The following GRIN2D variants were observed in gnomAD, a reference collection of about 807,000 sequenced individuals.
The protein encoded by GRIN2D is glutamate receptor ionotropic, NMDA 2D.
A neutral mutation model predicts 103.2 loss-of-function variants in GRIN2D; 37 were observed. The observed-to-expected ratio is 0.36, with a 90% CI of 0.28 to 0.47. The LOEUF is 0.47. Among genes scored for constraint, GRIN2D ranks in the 20% least tolerant of loss-of-function variants. The pLI is 1.00. For missense variants in GRIN2D, 1,557 were observed against 1,910.6 expected (o/e 0.81, Z 3.45); for synonymous variants, 845 against 885.6 (o/e 0.95, Z 0.81).
chr19:48,439,332 A>G (rs1258550658), intron 11 of GRIN2D, among the ~76,000 whole-genome samples: 3 of 152,118 alleles, frequency 2.0e-5, no homozygotes, highest in Non-Finnish European at 2.9e-5. Flanking sequence ...ATACCACAGA[A>G]GAGTTACACA....
chr19:48,421,081 G>A lies in GRIN2D; in HGVS notation c.2092-704G>A, dbSNP rs1971016685. ...TGCAATAAGCATTTTTTAATGGAAT[G>A]GAGTAGAATAGAATAGTTGCCTGCA... On this transcript the variant is annotated intron_variant, in intron 10 of 13. Coordinates refer to ENST00000263269, the MANE Select transcript of GRIN2D (RefSeq NM_000836.4). The surrounding 1 kb of genome is among the most constrained non-coding windows in gnomAD (Gnocchi z 4.8). Among the ~76,000 whole-genome samples the A allele has an allele frequency of 6.6e-6, 1 of 152,164 alleles. No homozygotes were observed. Among genetic ancestry groups the A allele is most frequent in the Admixed American group, 6.6e-5 (1 of 15,260 alleles).
intron 4 of GRIN2D, among the ~76,000 whole-genome samples, chr19:48,413,684 A>T (rs1182842030): frequency 1.5e-5 from 2 of 137,280 alleles, no homozygotes; most frequent in South Asian, 4.9e-4. Context: ...AAAAAAAAAG[A>T]CCAGCCTGGG....
intron 11 of GRIN2D, among the ~76,000 whole-genome samples, chr19:48,428,521 C>A (rs999947309): frequency 1.3e-5 from 2 of 151,990 alleles, no homozygotes; most frequent in African/African-American, 2.4e-5. Flanking sequence ...TGCCACCAAG[C>A]CCCGCTAATT....
rs773027827 is a variant in GRIN2D, at chr19:48,405,206, G to A, written c.938G>A (p.Arg313Gln). The A allele has an allele frequency of 1.9e-6, 3 of 1,603,144 alleles. No individual in the cohort carries two copies. Among genetic ancestry groups the A allele is most frequent in the East Asian group, 2.2e-5 (1 of 44,686 alleles). ...GLFAVRSAGW[R>Q]DDLARRVAAG... ...TTTGCAGTGCGCTCGGCTGGCTGGCGGGATGACCTGGCTCGGCGAGTGGCA... is the reference window on the plus strand; with the variant it reads ...TTTGCAGTGCGCTCGGCTGGCTGGCAGGATGACCTGGCTCGGCGAGTGGCA... Residue 313 changes from arginine (R) to glutamine (Q), a missense_variant, in exon 4 of 14, where the codon CGG becomes CAG. Physicochemically the swap from Arg to Gln is conservative, Grantham distance 43. Transcript: ENST00000263269. This position sits in a 1 kb window ranked among gnomAD's most constrained non-coding sequence, Gnocchi z 5.1.
chr19:48,414,414 G>C lies in GRIN2D; in HGVS notation c.1242G>C (p.Pro414=), dbSNP rs745721015. Residue 414 remains proline (P), a synonymous_variant, in exon 6 of 14, where the codon CCG becomes CCC. Transcript: ENST00000263269. This position sits in a 1 kb window ranked among gnomAD's most constrained non-coding sequence, Gnocchi z 4.6. ...WEQQTLRLKY[P]LWSRYGRFLQ... ...AGCAGACGCTCCGCCTCAAGTACCC[G>C]CTGTGGTCCCGCTATGGTCGCTTCC... 1 of 1,610,088 alleles carries C rather than the reference G, an allele frequency of 6.2e-7. No individual in the cohort carries two copies. Among genetic ancestry groups the C allele is most frequent in the Non-Finnish European group, 8.5e-7 (1 of 1,178,530 alleles).
chr19:48,426,248 CAG>C lies in GRIN2D; in HGVS notation c.2252+4306_2252+4307del, dbSNP rs1300655845. On this transcript the variant is annotated intron_variant, in intron 11 of 13. Transcript: ENST00000263269. ...TCTTTTTTTTTTTTTTTTTCTGAAA[CAG>C]AGTCTCTCTCTATTGCCCAGGCTGG... Among the ~76,000 whole-genome samples the C allele has an allele frequency of 5.3e-5, 5 of 95,176 alleles. No individual in the cohort carries two copies. The East Asian group carries it at 1.1e-3, about 20-fold the overall frequency. 62.4% of individuals were successfully genotyped at this position (95,176 alleles called of 152,430 possible).
At chr19:48,428,342 C>T (rs534594795) in intron 11 of GRIN2D, among the ~76,000 whole-genome samples, 41 of 146,166 alleles carry the variant, frequency 2.8e-4, no homozygotes, top group African/African-American at 9.8e-4. Context: ...CAGTCAAGCT[C>T]CCCCCTCCCC....
At position 48,442,766 on chromosome 19, in the gene GRIN2D, AGGGCGCGGGGCCGCCGGG is replaced by A; in HGVS notation, c.2850_2867del (p.Pro951_Gly956del). Reference sequence around the variant, plus strand: ...TCAGTGGACCGCTGGCGCCGGACCAAGGGCGCGGGGCCGCCGGGGGGCGCGGGCCTGGCCGACGGCTTC... The same window carrying A: ...TCAGTGGACCGCTGGCGCCGGACCAAGGGCGCGGGCCTGGCCGACGGCTTC... On this transcript the variant is annotated inframe_deletion, in exon 14 of 14. Transcript: ENST00000263269. The surrounding 1 kb of genome is among the most constrained non-coding windows in gnomAD (Gnocchi z 7.2). The A allele has an allele frequency of 2.8e-6, 3 of 1,068,272 alleles. No homozygotes were observed. Among genetic ancestry groups the A allele is most frequent in the South Asian group, 3.8e-5 (1 of 26,172 alleles). 66.2% of individuals were successfully genotyped at this position (1,068,272 alleles called of 1,614,324 possible).
intron 11 of GRIN2D, among the ~76,000 whole-genome samples, chr19:48,431,559 T>C (rs539557606): frequency 1.7e-4 from 26 of 152,174 alleles, no homozygotes; most frequent in African/African-American, 6.3e-4. Context: ...CTGACATTTA[T>C]CAGTGACATG....
chr19:48,431,687 C>T (rs1971157623), intron 11 of GRIN2D, among the ~76,000 whole-genome samples: 1 of 151,442 alleles, frequency 6.6e-6, no homozygotes, highest in Non-Finnish European at 1.5e-5. Context: ...CAGGTACAAG[C>T]AATTCTCCTG....
chr19:48,432,922 C>T (rs1171498199), intron 11 of GRIN2D, among the ~76,000 whole-genome samples: 1 of 151,092 alleles, frequency 6.6e-6, no homozygotes, highest in Non-Finnish European at 1.5e-5. Context: ...TCCCGAGTAG[C>T]TGGTTCTACA....
At chr19:48,425,805 A>T (rs1176288730) in intron 11 of GRIN2D, among the ~76,000 whole-genome samples, 1 of 152,176 alleles carries the variant, frequency 6.6e-6, no homozygotes, top group Non-Finnish European at 1.5e-5. Flanking sequence ...AGATATATAC[A>T]TAGATACAGT....
At position 48,393,678 on chromosome 19, in the gene GRIN2D, A is replaced by AGT. The variant is rs1165976552; in HGVS notation, c.-486_-485dup. On this transcript the variant is annotated 5_prime_UTR_variant, in exon 1 of 14. Coordinates refer to ENST00000263269, the MANE Select transcript of GRIN2D (RefSeq NM_000836.4). The surrounding 1 kb of genome is among the most constrained non-coding windows in gnomAD (Gnocchi z 5.6). ...CTGAATGTTAATCGCATCCCGAGTG[A>AGT]GTGTGTGTGTGCGAGAACACAGCGA... is the stretch of plus-strand genomic sequence containing the variant. Among the ~76,000 whole-genome samples the AGT allele has an allele frequency of 1.3e-5, 2 of 151,504 alleles. No homozygotes were observed. Among genetic ancestry groups the AGT allele is most frequent in the Non-Finnish European group, 2.9e-5 (2 of 67,938 alleles).
intron 10 of GRIN2D, among the ~76,000 whole-genome samples, chr19:48,420,770 G>A (rs1270751739): frequency 6.6e-6 from 1 of 152,180 alleles, no homozygotes; most frequent in Admixed American, 6.5e-5. Flanking sequence ...AGGTTACAGT[G>A]AGCCATGATT....
At position 48,413,961 on chromosome 19, in the gene GRIN2D, A is replaced by G. The variant is rs759452895; in HGVS notation, c.1086-30A>G. On this transcript the variant is annotated intron_variant, in intron 4 of 13. Coordinates refer to ENST00000263269, the MANE Select transcript of GRIN2D (RefSeq NM_000836.4). ...GCTGCCAAGGTCCAGCCCAGGCCCCAGCATGTCCCCTTTCCCTCCTCCTGG... is the reference window on the plus strand; with the variant it reads ...GCTGCCAAGGTCCAGCCCAGGCCCCGGCATGTCCCCTTTCCCTCCTCCTGG... The G allele has an allele frequency of 7.8e-6, 10 of 1,284,076 alleles. No individual in the cohort carries two copies. The East Asian group carries it at 2.3e-4, about 30-fold the overall frequency. The allele number at this position is 1,284,076 out of a possible 1,614,324, so 79.5% of individuals were successfully genotyped here.
In GRIN2D at chr19:48,442,147, T is replaced by A; in HGVS notation, c.2441-3T>A. The A allele has an allele frequency of 6.2e-7, 1 of 1,613,830 alleles. No homozygotes were observed. Among genetic ancestry groups the A allele is most frequent in the Non-Finnish European group, 8.5e-7 (1 of 1,179,750 alleles). On this transcript the variant is annotated splice_region_variant and splice_polypyrimidine_tract_variant and intron_variant, in intron 12 of 13. Transcript: ENST00000263269. The surrounding 1 kb of genome is among the most constrained non-coding windows in gnomAD (Gnocchi z 7.2). ...CAGGTGACTTTTGACCGCCCCTCCC[T>A]AGATGAGATCGAGATGCTGGAGCGG...
intron 4 of GRIN2D, among the ~76,000 whole-genome samples, chr19:48,409,747 C>T (rs1422483500): frequency 6.6e-6 from 1 of 151,954 alleles, no homozygotes; most frequent in Non-Finnish European, 1.5e-5. Context: ...TGTGAAGGGC[C>T]TTTAGGCCAG....
rs993403635 is a variant in GRIN2D, at chr19:48,442,710, G to A, written c.2784G>A (p.Gly928=). The part of the protein sequence containing the change: ...PAYPAPRPAP[G]PAPFVPRERA... ...ACCCCGCGCCGCGGCCGGCTCCCGGGCCCGCACCTTTCGTGCCCCGCGAGC... is the reference window on the plus strand; with the variant it reads ...ACCCCGCGCCGCGGCCGGCTCCCGGACCCGCACCTTTCGTGCCCCGCGAGC... Residue 928 remains glycine (G), a synonymous_variant, in exon 14 of 14, where the codon GGG becomes GGA. Coordinates refer to ENST00000263269, the MANE Select transcript of GRIN2D (RefSeq NM_000836.4). The surrounding 1 kb of genome is among the most constrained non-coding windows in gnomAD (Gnocchi z 7.2). 5.2e-6 allele frequency: 6 copies of A among 1,148,092 alleles called. No homozygotes were observed. The highest frequency in any genetic ancestry group is 3.7e-4 in the Middle Eastern group (1 of 2,704). 71.1% of individuals were successfully genotyped at this position (1,148,092 alleles called of 1,614,324 possible).
chr19:48,414,776 C>A lies in GRIN2D; in HGVS notation c.1413-88C>A. ...AAAGCGCTAACCATAGTTTTAGCTG[C>A]CGCCTATCCCTTCCTCCATATCCTC... On this transcript the variant is annotated intron_variant, in intron 6 of 13. Coordinates refer to ENST00000263269, the MANE Select transcript of GRIN2D (RefSeq NM_000836.4). This position sits in a 1 kb window ranked among gnomAD's most constrained non-coding sequence, Gnocchi z 4.6. 2 of 1,432,222 alleles carry A rather than the reference C, an allele frequency of 1.4e-6. No individual in the cohort carries two copies. The highest frequency in any genetic ancestry group is 1.9e-6 in the Non-Finnish European group (2 of 1,044,306). 88.7% of individuals were successfully genotyped at this position (1,432,222 alleles called of 1,614,324 possible).
Sources: gnomAD v4.1 joint callset for allele counts (sites outside exome capture counted in the v4.1 genomes callset) on GRCh38, gnomAD v4.1.1 for gene constraint, Gnocchi (gnomAD v3.1) non-coding constraint, MANE v1.5 for transcripts, NCBI Gene and HGNC (gene_info 2026-07-23, HGNC 2026-07-21) for gene names.